Variants in NEIL3 observed in about 807,000 individuals in gnomAD.
The protein encoded by NEIL3 is nei like DNA glycosylase 3, also known as endonuclease 8-like 3.
In NEIL3, 48 loss-of-function variants were observed where a neutral mutation model predicts 57.5. The observed-to-expected ratio is 0.83, with a 90% CI of 0.66 to 1.06. The LOEUF (loss-of-function observed/expected upper bound fraction) is 1.06. Among genes scored for constraint, NEIL3 ranks in the 50% least tolerant of loss-of-function variants. NEIL3 has a pLI of 0.00. For missense variants in NEIL3, 717 were observed against 739.1 expected (o/e 0.97, Z 0.35); for synonymous variants, 261 against 253.2 (o/e 1.03, Z -0.29).
At chr4:177,336,977 G>A (rs1231968908) in intron 4 of NEIL3, among the ~76,000 whole-genome samples, 3 of 152,110 alleles carry the variant, frequency 2.0e-5, no homozygotes, top group Admixed American at 6.5e-5. Context: ...CACATAGGCC[G>A]GAGTGAAGGG....
chr4:177,349,765 A>G (rs1162771643), intron 6 of NEIL3, among the ~76,000 whole-genome samples: 1 of 152,216 alleles, frequency 6.6e-6, no homozygotes, highest in Non-Finnish European at 1.5e-5. Context: ...GCAGTAAAGA[A>G]AGGAAAGAAT....
At chr4:177,356,196 C>T (rs1401887464) in intron 8 of NEIL3, among the ~76,000 whole-genome samples, 1 of 152,010 alleles carries the variant, frequency 6.6e-6, no homozygotes, top group Non-Finnish European at 1.5e-5. Flanking sequence ...ATTTTTATTT[C>T]CTTAATGCTT....
chr4:177,339,099 A>C (rs935831735), intron 4 of NEIL3, among the ~76,000 whole-genome samples: 2 of 152,212 alleles, frequency 1.3e-5, no homozygotes, highest in African/African-American at 4.8e-5. Flanking sequence ...TGACTCTTGA[A>C]CAACACAGGA....
chr4:177,352,754 C>T (rs1012746804), intron 7 of NEIL3, among the ~76,000 whole-genome samples: 7 of 151,574 alleles, frequency 4.6e-5, no homozygotes, highest in Non-Finnish European at 7.4e-5. Context: ...GGCGTGAACC[C>T]GGGAGGCGGA....
intron 5 of NEIL3, among the ~76,000 whole-genome samples, chr4:177,340,070 T>G (rs1033341145): frequency 2.0e-5 from 3 of 152,232 alleles, no homozygotes; most frequent in Admixed American, 2.0e-4. Context: ...CATATTCAAT[T>G]ATCTTTATAC....
At chr4:177,334,466 T>C (rs549403316) in intron 2 of NEIL3, among the ~76,000 whole-genome samples, 2 of 152,318 alleles carry the variant, frequency 1.3e-5, no homozygotes, top group Admixed American at 6.5e-5. Context: ...AGATTTTTTA[T>C]GTGGATGTGG....
chr4:177,370,013 A>G, the NEIL3 span, among the ~76,000 whole-genome samples: 3 of 152,196 alleles, frequency 2.0e-5, no homozygotes, highest in Non-Finnish European at 4.4e-5. Context: ...GACCTGAACT[A>G]CACCCTACAG....
intron 6 of NEIL3, among the ~76,000 whole-genome samples, chr4:177,345,227 T>A (rs1735190002): frequency 6.6e-6 from 1 of 152,192 alleles, no homozygotes; most frequent in South Asian, 2.1e-4. Context: ...AGGCAGTCTT[T>A]GAGCTTAGTA....
At position 177,341,465 on chromosome 4, in the gene NEIL3, T is replaced by C; in HGVS notation, c.703-11T>C. 1.3e-6 allele frequency: 2 copies of C among 1,554,088 alleles called. No homozygotes were observed. The highest frequency in any genetic ancestry group is 1.7e-6 in the Non-Finnish European group (2 of 1,156,224). ...TGGATAACAGAATTTTTTGGTTTTT[T>C]TTTTTTTTAGTGCCGTAAAGCAGGA... On this transcript the variant is annotated splice_polypyrimidine_tract_variant and intron_variant, in intron 5 of 9. Transcript: ENST00000264596.
At chr4:177,320,633 A>G (rs937385566) in intron 1 of NEIL3, among the ~76,000 whole-genome samples, 1 of 150,348 alleles carries the variant, frequency 6.7e-6, no homozygotes, top group African/African-American at 2.5e-5. Context: ...GCCCGCCACC[A>G]TGCCCGGCTA....
chr4:177,336,024 CT>C, intron 3 of NEIL3, 83 bp from the exon 4 acceptor site: 1 of 1,200,902 alleles, frequency 8.3e-7, no homozygotes, highest in Non-Finnish European at 1.2e-6. Flanking sequence ...ACATAAAGTG[CT>C]TATAGCAAAG....
chr4:177,339,901 T>A, intron 5 of NEIL3, 44 bp downstream of exon 5: 2 of 1,393,976 alleles, frequency 1.4e-6, no homozygotes, highest in Non-Finnish European at 2.0e-6. Context: ...AAAATGTCAG[T>A]GGTTTCCTTT....
chr4:177,325,813 T>C (rs1323425194), intron 2 of NEIL3, among the ~76,000 whole-genome samples: 1 of 152,090 alleles, frequency 6.6e-6, no homozygotes, highest in African/African-American at 2.4e-5. Flanking sequence ...ACTAATGATA[T>C]CTGATGCAAT....
At chr4:177,312,061 G>A (rs1276045878) in intron 1 of NEIL3, among the ~76,000 whole-genome samples, 3 of 152,138 alleles carry the variant, frequency 2.0e-5, no homozygotes, top group Non-Finnish European at 4.4e-5. Flanking sequence ...TTGGTATTTA[G>A]GAAAAATAGC....
chr4:177,315,935 A>G (rs563334431), intron 1 of NEIL3, among the ~76,000 whole-genome samples: 3 of 152,350 alleles, frequency 2.0e-5, no homozygotes, highest in East Asian at 3.9e-4. Flanking sequence ...GTGTCATTTC[A>G]AAACCAAAAT....
At position 177,337,032 on chromosome 4, in the gene NEIL3, T is replaced by G. The variant is rs1259076811; in HGVS notation, c.627+711T>G. On this transcript the variant is annotated intron_variant, in intron 4 of 9. Transcript: ENST00000264596. ...GGGGATTCCAGGGCAAGACATGAGT[T>G]GGTTATTTTATTTTTTTTCTTGTTC... Among the ~76,000 whole-genome samples, 5 of 151,968 alleles carry G rather than the reference T, an allele frequency of 3.3e-5. No homozygotes were observed. In the East Asian group the frequency reaches 7.7e-4, roughly 23 times the overall value.
At chr4:177,315,706 C>A (rs1253888215) in intron 1 of NEIL3, among the ~76,000 whole-genome samples, 2 of 152,096 alleles carry the variant, frequency 1.3e-5, no homozygotes, top group Admixed American at 6.6e-5. Context: ...TAGAACAAAC[C>A]ATTACCAGTA....
chr4:177,321,961 G>A (rs572346798), intron 1 of NEIL3, among the ~76,000 whole-genome samples: 1 of 152,214 alleles, frequency 6.6e-6, no homozygotes, highest in South Asian at 2.1e-4. Context: ...CCCGCTTTTA[G>A]TTTTTGACCT....
intron 2 of NEIL3, 109 bp from the exon 3 acceptor site, chr4:177,335,579 T>C (rs916097697): frequency 6.4e-6 from 6 of 940,128 alleles, no homozygotes; most frequent in Non-Finnish European, 9.8e-6. Context: ...GTGTCTATCC[T>C]GACTAACATT....
Sources: gnomAD v4.1 joint callset for allele counts (sites outside exome capture counted in the v4.1 genomes callset) on GRCh38, gnomAD v4.1.1 for gene constraint, MANE v1.5 for transcripts, NCBI Gene and HGNC (gene_info 2026-07-23, HGNC 2026-07-21) for gene names.